The following PTPRT variants were observed in gnomAD, a reference collection of about 807,000 sequenced individuals.
The protein encoded by PTPRT is protein tyrosine phosphatase receptor type T, also known as receptor-type tyrosine-protein phosphatase T.
A neutral mutation model predicts 176.8 loss-of-function variants in PTPRT; 56 were observed. That is an observed-to-expected ratio of 0.32 (90% confidence interval 0.26 to 0.40). PTPRT has a LOEUF of 0.40. Ranked by LOEUF, PTPRT falls within the 10% of genes least tolerant of loss-of-function variation. The pLI is 1.00. For synonymous variants in PTPRT, 783 were observed against 739.0 expected, an observed-to-expected ratio of 1.06 and a Z score of -0.96; for missense variants, 1,540 against 1,908.2, an observed-to-expected ratio of 0.81 and a Z score of 3.60.
At chr20:42,941,933 G>A (rs1275951160) in intron 1 of PTPRT, among the ~76,000 whole-genome samples, 2 of 151,988 alleles carry the variant, frequency 1.3e-5, no homozygotes, top group African/African-American at 2.4e-5. Flanking sequence ...TCATAAAAGA[G>A]GCCACATCAA....
At chr20:42,526,865 A>C (rs2072277628) in intron 7 of PTPRT, among the ~76,000 whole-genome samples, 1 of 150,562 alleles carries the variant, frequency 6.6e-6, no homozygotes, top group Non-Finnish European at 1.5e-5. Flanking sequence ...GGTTGTGTAC[A>C]TTGCTTATTT....
intron 1 of PTPRT, among the ~76,000 whole-genome samples, chr20:43,033,470 T>C (rs1372688402): frequency 7.2e-5 from 11 of 152,094 alleles, no homozygotes. Flanking sequence ...CTTCAGAAGC[T>C]GCCACACCAA....
intron 1 of PTPRT, among the ~76,000 whole-genome samples, chr20:42,963,973 C>T (rs1982151216): frequency 6.6e-6 from 1 of 152,070 alleles, no homozygotes; most frequent in Non-Finnish European, 1.5e-5. Flanking sequence ...GCTGCCTGTT[C>T]TTTGTTTTGT....
At chr20:42,571,628 C>T (rs979963213) in intron 7 of PTPRT, among the ~76,000 whole-genome samples, 1 of 152,192 alleles carries the variant, frequency 6.6e-6, no homozygotes, top group Non-Finnish European at 1.5e-5. Context: ...CAACAGATCT[C>T]TAGAAGTGGA....
chr20:43,179,260 G>A (rs2015191595), intron 1 of PTPRT, among the ~76,000 whole-genome samples: 1 of 152,180 alleles, frequency 6.6e-6, no homozygotes. Context: ...CAGGCATGAC[G>A]TGTTTCAATC....
At position 42,239,599 on chromosome 20, in the gene PTPRT, T is replaced by C. The variant is rs138630364; in HGVS notation, c.2313-3341A>G. ...CACCACGCCTGGCTAATTTTTTGTA[T>C]TTTTAGTAGAGACGGGGTTTCACTG... On this transcript the variant is annotated intron_variant, in intron 14 of 30. Coordinates refer to ENST00000373187, the MANE Select transcript of PTPRT (RefSeq NM_007050.6). Among the ~76,000 whole-genome samples the C allele has an allele frequency of 6.7e-3, 1,020 of 151,854 alleles. 10 individuals carry two copies. The highest frequency in any genetic ancestry group is 0.024 in the African/African-American group (986 of 41,406).
At chr20:42,839,277 G>T (rs1242032706) in intron 2 of PTPRT, among the ~76,000 whole-genome samples, 1 of 150,004 alleles carries the variant, frequency 6.7e-6, no homozygotes, top group Admixed American at 6.7e-5. Context: ...TCACTCTGAA[G>T]CTCGGGCACA....
intron 1 of PTPRT, among the ~76,000 whole-genome samples, chr20:43,160,871 T>G (rs2014674600): frequency 6.6e-6 from 1 of 151,628 alleles, no homozygotes; most frequent in Non-Finnish European, 1.5e-5. Context: ...ACTCACCTTG[T>G]GATAGCAATT....
chr20:42,820,134 T>G (rs1390777432), intron 2 of PTPRT, among the ~76,000 whole-genome samples: 1 of 147,240 alleles, frequency 6.8e-6, no homozygotes, highest in African/African-American at 2.6e-5. Flanking sequence ...CAGTGCCACA[T>G]GGCACTTATG....
chr20:43,034,251 T>C (rs1477045079), intron 1 of PTPRT, among the ~76,000 whole-genome samples: 1 of 152,144 alleles, frequency 6.6e-6, no homozygotes, highest in Non-Finnish European at 1.5e-5. Context: ...GCCCAGACTT[T>C]GGCATAAAGT....
rs114652301 is a variant in PTPRT at position 42,968,403 on chromosome 20, G to C, written c.89-82471C>G. Among the ~76,000 whole-genome samples the C allele has an allele frequency of 6.2e-3, 938 of 152,300 alleles. 11 individuals carry two copies. The highest frequency in any genetic ancestry group is 0.021 in the African/African-American group (872 of 41,552). On this transcript the variant is annotated intron_variant, in intron 1 of 30. Transcript: ENST00000373187. ...GCAAACAACAGGGATCCAGTGGAGA[G>C]AGAGATGGATAGGTGGGTAGGTGAA...
chr20:42,529,491 AT>A (rs1235943302), intron 7 of PTPRT, among the ~76,000 whole-genome samples: 3 of 151,982 alleles, frequency 2.0e-5, no homozygotes, highest in Non-Finnish European at 4.4e-5. Context: ...AGTCAATTTT[AT>A]TTTATTTTTT....
In PTPRT at chr20:42,128,804, C is replaced by T; in HGVS notation, c.2797G>A (p.Val933Met). The T allele has an allele frequency of 6.2e-7, 1 of 1,607,220 alleles. No individual in the cohort carries two copies. Among genetic ancestry groups the T allele is most frequent in the Non-Finnish European group, 8.5e-7 (1 of 1,176,172 alleles). Residue 933 changes from valine (V) to methionine (M), a missense_variant, in exon 19 of 31, where the codon GTG becomes ATG. By Grantham distance (21) the Val-to-Met change is conservative. This residue lies in a region of PTPRT where 248 missense variants were observed against 356.7 expected (regional missense o/e 0.70). Transcript: ENST00000373187. ...SYDHSRVRLLVLDGDPHSDYI... is the reference protein window; with the variant it reads ...SYDHSRVRLLMLDGDPHSDYI... ...TCAGAGTGCGGGTCTCCATCCAGCA[C>T]CAGCAGCCTCACCCGGGAATGGTCG... is the stretch of plus-strand genomic sequence containing the variant.
At position 42,200,734 on chromosome 20, in the gene PTPRT, AT is replaced by A. The variant is rs1176705969; in HGVS notation, c.2343-1347del. On this transcript the variant is annotated intron_variant, in intron 15 of 30. Transcript: ENST00000373187. Reference sequence around the variant, plus strand: ...CTTTTTCCAACATATATGCATCGAAATATAGCTGTTATAGTCTTATCACATG... The same window carrying A: ...CTTTTTCCAACATATATGCATCGAAAATAGCTGTTATAGTCTTATCACATG... 1.3e-5 allele frequency among the ~76,000 whole-genome samples: 2 copies of A among 152,212 alleles called. 1 individual carries two copies. Among genetic ancestry groups the A allele is most frequent in the South Asian group, 4.1e-4 (2 of 4,828 alleles).
At chr20:42,506,790 C>G (rs1019994022) in intron 7 of PTPRT, among the ~76,000 whole-genome samples, 2 of 152,096 alleles carry the variant, frequency 1.3e-5, no homozygotes, top group Non-Finnish European at 2.9e-5. Context: ...CGTTTTTAAC[C>G]TCACCTTGAG....
chr20:42,237,031 G>GCTGGAGAGAT (rs2056258664), intron 14 of PTPRT, among the ~76,000 whole-genome samples: 1 of 152,276 alleles, frequency 6.6e-6, no homozygotes, highest in Non-Finnish European at 1.5e-5. Context: ...AGGCTACCAT[G>GCTGGAGAGAT]CTGGAGAGAT....
intron 7 of PTPRT, among the ~76,000 whole-genome samples, chr20:42,665,385 A>G (rs1420039368): frequency 6.6e-6 from 1 of 152,178 alleles, no homozygotes; most frequent in Non-Finnish European, 1.5e-5. Context: ...AATCAAAACC[A>G]CAATGAGATA....
At chr20:43,158,053 G>A (rs994136664) in intron 1 of PTPRT, among the ~76,000 whole-genome samples, 2 of 152,198 alleles carry the variant, frequency 1.3e-5, no homozygotes, top group Non-Finnish European at 2.9e-5. Flanking sequence ...GCAGAAGAAG[G>A]AAGACTGATT....
rs1482575421 is a variant in PTPRT at position 42,694,385 on chromosome 20, G to A, written c.860-16226C>T. Among the ~76,000 whole-genome samples the A allele has an allele frequency of 2.6e-5, 4 of 152,102 alleles. No individual in the cohort carries two copies. The East Asian group carries it at 7.7e-4, about 29-fold the overall frequency. On this transcript the variant is annotated intron_variant, in intron 6 of 30. Transcript: ENST00000373187. ...GGATAGTTCATTTATTTTTGTTGCT[G>A]TGTAGTTTACATGTGATATACATAT...
Sources: allele counts gnomAD v4.1 joint callset (sites outside exome capture counted in the v4.1 genomes callset), GRCh38; gene constraint gnomAD v4.1.1; regional missense constraint gnomAD v4.1.1; transcripts MANE v1.5; gene names NCBI Gene and HGNC (gene_info 2026-07-23, HGNC 2026-07-21).